WWOX: variants seen among roughly 807,000 people sequenced by gnomAD.
The protein encoded by WWOX is WW domain containing oxidoreductase.
A neutral mutation model predicts 46.2 loss-of-function variants in WWOX; 69 were observed. The ratio of observed to expected loss-of-function variants is 1.49; its 90% CI spans 1.23 to 1.82. The LOEUF is 1.82. Ranked by LOEUF, WWOX falls within the 40% of genes most tolerant of loss-of-function variation. The pLI, the probability that WWOX is intolerant of heterozygous loss-of-function variation, is 0.00. For missense variants in WWOX, 919 were observed against 542.6 expected (o/e 1.69, Z -6.89); for synonymous variants, 359 against 202.6 (o/e 1.77, Z -6.56).
intron 8 of WWOX, among the ~76,000 whole-genome samples, chr16:78,684,478 T>C (rs1324029032): frequency 6.6e-6 from 1 of 152,142 alleles, no homozygotes; most frequent in Non-Finnish European, 1.5e-5. Flanking sequence ...CCAGAATTCC[T>C]CTCCACCCCA....
At chr16:78,659,642 G>A (rs543706582) in intron 8 of WWOX, among the ~76,000 whole-genome samples, 58 of 152,256 alleles carry the variant, frequency 3.8e-4, no homozygotes, top group African/African-American at 1.3e-3. Context: ...TGCCTCCATC[G>A]GAGCGAGTTC....
intron 1 of WWOX, among the ~76,000 whole-genome samples, chr16:78,104,436 C>T (rs1027428481): frequency 2.0e-5 from 3 of 152,026 alleles, no homozygotes; most frequent in African/African-American, 7.3e-5. Context: ...CCCAGGAGCT[C>T]GAGGCTGCAG....
chr16:78,291,553 C>G (rs989180243), intron 5 of WWOX, among the ~76,000 whole-genome samples: 3 of 152,062 alleles, frequency 2.0e-5, no homozygotes, highest in Non-Finnish European at 4.4e-5. Flanking sequence ...CTTATTATTT[C>G]GGTCTGAAAC....
chr16:78,152,437 A>G (rs1372081070), intron 4 of WWOX, among the ~76,000 whole-genome samples: 2 of 152,194 alleles, frequency 1.3e-5, no homozygotes, highest in Non-Finnish European at 2.9e-5. Flanking sequence ...GTCAAAGAGC[A>G]TGTCCACTTC....
intron 8 of WWOX, among the ~76,000 whole-genome samples, chr16:79,142,457 C>G (rs1334814676): frequency 6.6e-6 from 1 of 152,118 alleles, no homozygotes. Context: ...TTGGCACATG[C>G]TACACATCAG....
intron 8 of WWOX, among the ~76,000 whole-genome samples, chr16:78,625,477 T>G (rs945376608): frequency 1.6e-4 from 25 of 152,100 alleles, no homozygotes; most frequent in African/African-American, 6.0e-4. Flanking sequence ...TGAAACAGAC[T>G]TCGTTAGAAC....
chr16:78,236,569 T>C (rs2037445814), intron 5 of WWOX, among the ~76,000 whole-genome samples: 1 of 152,174 alleles, frequency 6.6e-6, no homozygotes, highest in African/African-American at 2.4e-5. Flanking sequence ...TCTTTCCCCA[T>C]TTGGATGGTG....
At chr16:78,772,597 A>C (rs1472256867) in intron 8 of WWOX, among the ~76,000 whole-genome samples, 1 of 152,224 alleles carries the variant, frequency 6.6e-6, no homozygotes, top group Non-Finnish European at 1.5e-5. Flanking sequence ...GAGATTAAAC[A>C]AACAAATAAA....
At chr16:78,395,144 C>T (rs2082257299) in intron 6 of WWOX, among the ~76,000 whole-genome samples, 1 of 152,112 alleles carries the variant, frequency 6.6e-6, no homozygotes, top group African/African-American at 2.4e-5. Flanking sequence ...TTTAAGACAG[C>T]AATAAGACAA....
intron 8 of WWOX, among the ~76,000 whole-genome samples, chr16:79,006,733 T>TCTTCCGTTTCTTAGAGGTTGTGTG (rs1329265729): frequency 6.6e-6 from 1 of 152,126 alleles, no homozygotes. Flanking sequence ...GCTTGTACCC[T>TCTTCCGTTTCTTAGAGGTTGTGTG]TGCGTCTTCC....
chr16:78,951,202 C>T (rs1036797281), intron 8 of WWOX, among the ~76,000 whole-genome samples: 2 of 152,194 alleles, frequency 1.3e-5, no homozygotes, highest in East Asian at 1.9e-4. Context: ...GATTAAATGG[C>T]GCGGTCATAA....
intron 8 of WWOX, among the ~76,000 whole-genome samples, chr16:79,133,286 C>T (rs1253039335): frequency 1.3e-5 from 2 of 152,186 alleles, no homozygotes; most frequent in East Asian, 3.9e-4. Flanking sequence ...CAGCCCTTTA[C>T]TTTCGTCAAT....
chr16:78,899,989 G>A (rs1397306243), intron 8 of WWOX, among the ~76,000 whole-genome samples: 4 of 151,166 alleles, frequency 2.6e-5, no homozygotes, highest in Admixed American at 6.6e-5. Context: ...GTTAAATTCA[G>A]GACTTTAAGC....
intron 8 of WWOX, among the ~76,000 whole-genome samples, chr16:78,942,398 CG>C (rs1464611601): frequency 6.6e-6 from 1 of 152,220 alleles, no homozygotes; most frequent in East Asian, 1.9e-4. Context: ...TTTGCACTCT[CG>C]GGAGCAGTTT....
intron 6 of WWOX, among the ~76,000 whole-genome samples, chr16:78,408,634 A>G (rs960336350): frequency 2.0e-5 from 3 of 152,182 alleles, no homozygotes; most frequent in Non-Finnish European, 2.9e-5. Flanking sequence ...AGTTGAAGGA[A>G]CTTGTGTCAT....
intron 8 of WWOX, among the ~76,000 whole-genome samples, chr16:78,706,816 G>C (rs1329557363): frequency 6.6e-6 from 1 of 151,580 alleles, no homozygotes; most frequent in Non-Finnish European, 1.5e-5. Context: ...TTTTTTTTTG[G>C]AGACAGATCT....
chr16:78,151,945 C>G lies in WWOX; in HGVS notation c.410-12238C>G, dbSNP rs561279041. 3.3e-5 allele frequency among the ~76,000 whole-genome samples: 5 copies of G among 152,336 alleles called. No homozygotes were observed. The South Asian group carries it at 8.3e-4, about 25-fold the overall frequency. ...GTGGCTCACGCCTGTAATCCCAGCA[C>G]TTTGGGAGGCCGAGGCGGGCAGATC... On this transcript the variant is annotated intron_variant, in intron 4 of 8. Coordinates refer to ENST00000566780, the MANE Select transcript of WWOX (RefSeq NM_016373.4).
chr16:78,640,374 G>A (rs766084392), intron 8 of WWOX, among the ~76,000 whole-genome samples: 3 of 151,804 alleles, frequency 2.0e-5, no homozygotes, highest in African/African-American at 4.8e-5. Flanking sequence ...CGGCCGCTCT[G>A]AGCTAGAATC....
chr16:78,908,391 T>C (rs2045021472), intron 8 of WWOX, among the ~76,000 whole-genome samples: 2 of 152,074 alleles, frequency 1.3e-5, no homozygotes, highest in Non-Finnish European at 1.5e-5. Context: ...GATACTAATA[T>C]TAGCCAGGCG....
Sources: allele counts gnomAD v4.1 joint callset (sites outside exome capture counted in the v4.1 genomes callset), GRCh38; gene constraint gnomAD v4.1.1; transcripts MANE v1.5; gene names NCBI Gene and HGNC (gene_info 2026-07-23, HGNC 2026-07-21).